Variants in ABLIM2 observed in about 807,000 individuals in gnomAD.
The protein encoded by ABLIM2 is actin-binding LIM protein 2.
A neutral mutation model predicts 97.7 loss-of-function variants in ABLIM2; 53 were observed. The observed-to-expected ratio is 0.54, with a 90% CI of 0.44 to 0.68. The LOEUF is 0.68. Ranked by LOEUF, ABLIM2 falls within the 30% of genes least tolerant of loss-of-function variation. The pLI is 0.00. For synonymous variants in ABLIM2, 361 were observed against 345.8 expected (o/e 1.04, Z -0.49); for missense variants, 835 against 867.2 (o/e 0.96, Z 0.47).
intron 1 of ABLIM2, among the ~76,000 whole-genome samples, chr4:8,116,817 CA>C (rs33974592): frequency 0.53 from 80,003 of 151,618 alleles, 21,205 homozygotes; most frequent in East Asian, 0.62. Context: ...GAAACAGCTC[CA>C]AAAAAAATAC....
intron 20 of ABLIM2, among the ~76,000 whole-genome samples, chr4:7,978,935 G>A (rs941129137): frequency 3.9e-5 from 6 of 152,266 alleles, no homozygotes; most frequent in East Asian, 1.9e-4. Flanking sequence ...CGGCAGGGGC[G>A]CCTCCTGAGT....
chr4:8,032,980 T>C lies in ABLIM2; in HGVS notation c.1047+3169A>G, dbSNP rs927962285. On this transcript the variant is annotated intron_variant, in intron 10 of 20. Transcript: ENST00000447017. The surrounding 1 kb of genome is among the most constrained non-coding windows in gnomAD (Gnocchi z 4.3). The stretch of plus-strand genomic sequence containing the variant: ...ACGTCCCACTGTTCTCCCACAAAGA[T>C]GTGTTTTCCCAAAAGGAAGACACTG... Among the ~76,000 whole-genome samples, 7 of 152,208 alleles carry C rather than the reference T, an allele frequency of 4.6e-5. No individual in the cohort carries two copies. The highest frequency in any genetic ancestry group is 7.2e-5 in the African/African-American group (3 of 41,450).
At chr4:8,016,057 T>TTTTC (rs1279819275) in intron 14 of ABLIM2, among the ~76,000 whole-genome samples, 126 of 145,438 alleles carry the variant, frequency 8.7e-4, no homozygotes, top group African/African-American at 2.9e-3. Context: ...TTTTTTTTTT[T>TTTTC]TTTTTGAGAT....
chr4:8,030,391 A>C (rs1252420582), intron 10 of ABLIM2, among the ~76,000 whole-genome samples: 1 of 152,110 alleles, frequency 6.6e-6, no homozygotes, highest in Non-Finnish European at 1.5e-5. Context: ...TGCCTGGCCC[A>C]CCACAGCTTG....
intron 2 of ABLIM2, among the ~76,000 whole-genome samples, chr4:8,101,864 C>T (rs529097717): frequency 1.1e-4 from 16 of 152,322 alleles, no homozygotes; most frequent in Admixed American, 4.6e-4. Context: ...ATGCGTTTGA[C>T]GTATTTATGT....
intron 2 of ABLIM2, among the ~76,000 whole-genome samples, chr4:8,100,980 C>T (rs575218124): frequency 1.4e-4 from 21 of 152,264 alleles, no homozygotes; most frequent in Admixed American, 3.9e-4. Context: ...ATCAGGTATA[C>T]GGCATGCCTT....
chr4:8,142,640 G>A (rs1264181285), intron 1 of ABLIM2, among the ~76,000 whole-genome samples: 3 of 152,184 alleles, frequency 2.0e-5, no homozygotes, highest in Admixed American at 2.0e-4. Context: ...GGTGGGCGCT[G>A]GCATCCTTGA....
In ABLIM2 at chr4:8,127,430, A is replaced by C; in HGVS notation, c.11-20793T>G. On this transcript the variant is annotated intron_variant, in intron 1 of 20. Coordinates refer to ENST00000447017, the MANE Select transcript of ABLIM2 (RefSeq NM_001130083.2). The surrounding 1 kb of genome is among the most constrained non-coding windows in gnomAD (Gnocchi z 7.3). ...AACTTGACTGGACCCGTCCTTTCCC[A>C]CCAGACCCCTGAAGCTGATTCATGG... The C allele has an allele frequency of 8.2e-7, 1 of 1,221,458 alleles. No homozygotes were observed. Among genetic ancestry groups the C allele is most frequent in the Non-Finnish European group, 1.1e-6 (1 of 936,852 alleles). 75.7% of individuals were successfully genotyped at this position (1,221,458 alleles called of 1,614,324 possible).
intron 1 of ABLIM2, among the ~76,000 whole-genome samples, chr4:8,137,608 T>G (rs1850370776): frequency 1.3e-5 from 2 of 152,172 alleles, no homozygotes; most frequent in African/African-American, 2.4e-5. Flanking sequence ...GGAGGTGCAG[T>G]TGGCGAGAGG....
In ABLIM2 at chr4:7,965,929, G is replaced by A. The variant is rs1722801225; in HGVS notation, c.*1061C>T. ...CCACAGCACAAGGACGGTGCATCAA[G>A]AGCTACGTCGGGTATTAGGCAGGGT... is the stretch of plus-strand genomic sequence containing the variant. On this transcript the variant is annotated 3_prime_UTR_variant, in exon 21 of 21. Transcript: ENST00000447017. 6.6e-6 allele frequency: 1 copy of A among 152,256 alleles called. No individual in the cohort carries two copies. Among genetic ancestry groups the A allele is most frequent in the Non-Finnish European group, 1.5e-5 (1 of 68,068 alleles). The allele number at this position is 152,256 out of a possible 1,614,324, so 9.4% of individuals were successfully genotyped here.
chr4:7,977,699 G>T (rs1191192288), intron 20 of ABLIM2, among the ~76,000 whole-genome samples: 2 of 152,094 alleles, frequency 1.3e-5, no homozygotes, highest in Non-Finnish European at 2.9e-5. Context: ...GCTGGGGCAG[G>T]AGAATCGCTT....
chr4:8,021,730 C>T lies in ABLIM2; in HGVS notation c.1268-1427G>A, dbSNP rs1773887119. Among the ~76,000 whole-genome samples, 1 of 152,256 alleles carries T rather than the reference C, an allele frequency of 6.6e-6. No homozygotes were observed. Among genetic ancestry groups the T allele is most frequent in the Non-Finnish European group, 1.5e-5 (1 of 68,046 alleles). On this transcript the variant is annotated intron_variant, in intron 12 of 20. Transcript: ENST00000447017. This position sits in a 1 kb window ranked among gnomAD's most constrained non-coding sequence, Gnocchi z 5.5. Reference sequence around the variant, plus strand: ...CATGCAGCGGGAGGTCACCTAGGAGCAGGGTGGCCCCAGCCAGGCTGATGC... The same window carrying T: ...CATGCAGCGGGAGGTCACCTAGGAGTAGGGTGGCCCCAGCCAGGCTGATGC...
At chr4:8,009,445 G>A (rs1486501181) in intron 14 of ABLIM2, among the ~76,000 whole-genome samples, 6 of 152,138 alleles carry the variant, frequency 3.9e-5, no homozygotes, top group Non-Finnish European at 7.3e-5. Context: ...CACCCAGGCT[G>A]GAGTGCCATG....
chr4:7,983,377 C>A (rs375999116), intron 19 of ABLIM2, 33 bp from the exon 20 acceptor site: 7 of 1,602,198 alleles, frequency 4.4e-6, no homozygotes, highest in Non-Finnish European at 6.0e-6. Flanking sequence ...GGTCACCTCA[C>A]GAAGCAAGTG....
In ABLIM2 at chr4:8,032,587, T is replaced by A; in HGVS notation, c.1048-2811A>T. ...TCCCGGGAGTGCGGCTGGGTGGTTA[T>A]GTTTATAACCCAGGCAGCAGCGCCA... On this transcript the variant is annotated intron_variant, in intron 10 of 20. Coordinates refer to ENST00000447017, the MANE Select transcript of ABLIM2 (RefSeq NM_001130083.2). The surrounding 1 kb of genome is among the most constrained non-coding windows in gnomAD (Gnocchi z 4.3). 1.2e-6 allele frequency: 2 copies of A among 1,607,618 alleles called. No individual in the cohort carries two copies. The highest frequency in any genetic ancestry group is 1.7e-6 in the Non-Finnish European group (2 of 1,176,240).
Position 7,998,532 on chromosome 4 carries a change from G to T in ABLIM2, c.1619-5605C>A. The stretch of plus-strand genomic sequence containing the variant: ...CTTGGGGTGTCCTGTGTCGCTGGGT[G>T]GGGGTGGGAGATGCCTGCCACGGGT... On this transcript the variant is annotated intron_variant, in intron 16 of 20. Transcript: ENST00000447017. This position sits in a 1 kb window ranked among gnomAD's most constrained non-coding sequence, Gnocchi z 6.4. The T allele has an allele frequency of 2.2e-6, 1 of 450,696 alleles. No homozygotes were observed. Among genetic ancestry groups the T allele is most frequent in the Non-Finnish European group, 4.5e-6 (1 of 222,122 alleles). The allele number at this position is 450,696 out of a possible 1,614,324, so 27.9% of individuals were successfully genotyped here. A position where few individuals can be genotyped will look rare whatever the true frequency, so the allele number is the denominator to read the frequency against.
chr4:8,064,635 G>C (rs893805638), intron 6 of ABLIM2, among the ~76,000 whole-genome samples: 2 of 152,186 alleles, frequency 1.3e-5, no homozygotes, highest in Non-Finnish European at 2.9e-5. Flanking sequence ...CTCGTGTCCT[G>C]AACGAACAAC....
rs193034439 is a variant in ABLIM2 at position 8,063,216 on chromosome 4, C to T, written c.676-2162G>A. On this transcript the variant is annotated intron_variant, in intron 6 of 20. Coordinates refer to ENST00000447017, the MANE Select transcript of ABLIM2 (RefSeq NM_001130083.2). ...GAGTAGCTGGGACTGCAGGCACACG[C>T]CACCACGCCCAGCTAATTTTTGTAT... Among the ~76,000 whole-genome samples the T allele has an allele frequency of 7.1e-3, 1,085 of 152,336 alleles. 15 individuals carry two copies. The highest frequency in any genetic ancestry group is 0.025 in the African/African-American group (1,029 of 41,566).
At chr4:8,070,470 T>C (rs1393178072) in intron 6 of ABLIM2, among the ~76,000 whole-genome samples, 3 of 152,170 alleles carry the variant, frequency 2.0e-5, no homozygotes, top group Non-Finnish European at 4.4e-5. Context: ...CTATCACCTC[T>C]ACCCATCAGA....
Sources: gnomAD v4.1 joint callset for allele counts (sites outside exome capture counted in the v4.1 genomes callset) on GRCh38, gnomAD v4.1.1 for gene constraint, Gnocchi (gnomAD v3.1) non-coding constraint, MANE v1.5 for transcripts, NCBI Gene and HGNC (gene_info 2026-07-23, HGNC 2026-07-21) for gene names.